The following NPAS2 variants were observed in gnomAD, a reference collection of about 807,000 sequenced individuals.
NPAS2 encodes neuronal PAS domain-containing protein 2.
A neutral mutation model predicts 107.5 loss-of-function variants in NPAS2; 23 were observed. The ratio of observed to expected loss-of-function variants is 0.21; its 90% CI spans 0.15 to 0.30. The LOEUF is 0.30. Among genes scored for constraint, NPAS2 ranks in the 10% least tolerant of loss-of-function variants. The probability of loss-of-function intolerance (pLI) is 1.00; values close to 1 mark genes in which losing one functional copy is unlikely to be tolerated. For synonymous variants in NPAS2, 403 were observed against 417.5 expected, an observed-to-expected ratio of 0.97 and a Z score of 0.42; for missense variants, 756 against 1,043.3, an observed-to-expected ratio of 0.72 and a Z score of 3.79.
In NPAS2 at chr2:100,908,868, C is replaced by T. The variant is rs143918164; in HGVS notation, c.32+4082C>T. 6.6e-5 allele frequency among the ~76,000 whole-genome samples: 10 copies of T among 152,230 alleles called. No homozygotes were observed. In the East Asian group the frequency reaches 1.5e-3, roughly 23 times the overall value. ...AGAATCAAAAGTGTCAGGTCAGATT[C>T]GCTGATTCTTGGGGCTCTTAATGGA... On this transcript the variant is annotated intron_variant, in intron 2 of 20. Coordinates refer to ENST00000335681, the MANE Select transcript of NPAS2 (RefSeq NM_002518.4).
chr2:100,911,238 T>C (rs1682528642), intron 2 of NPAS2, among the ~76,000 whole-genome samples: 1 of 152,162 alleles, frequency 6.6e-6, no homozygotes, highest in African/African-American at 2.4e-5. Flanking sequence ...AATAACCTCC[T>C]CTGGCCATGG....
At chr2:100,934,810 C>T in intron 4 of NPAS2, 1 of 985,446 alleles carries the variant, frequency 1.0e-6, no homozygotes, top group South Asian at 4.7e-5. Flanking sequence ...GTGCAACCTT[C>T]CCATAGCATG....
intron 15 of NPAS2, among the ~76,000 whole-genome samples, chr2:100,979,492 ATATATATATATTTTT>A (rs1558935221): frequency 1.6e-5 from 1 of 62,016 alleles, no homozygotes; most frequent in Non-Finnish European, 2.7e-5. Context: ...ATATATATAT[ATATATATATATTTTT>A]TTTTTTTTTT....
intron 7 of NPAS2, 103 bp downstream of exon 7, chr2:100,949,583 C>A: frequency 1.5e-6 from 1 of 684,410 alleles, no homozygotes; most frequent in South Asian, 1.7e-5. Context: ...AGAACGCGTG[C>A]TTTTCACATT....
intron 1 of NPAS2, among the ~76,000 whole-genome samples, chr2:100,862,819 C>T (rs1044814583): frequency 6.6e-6 from 1 of 152,170 alleles, no homozygotes; most frequent in African/African-American, 2.4e-5. Context: ...ACGGGAGTTG[C>T]TCTTGTACGC....
intron 1 of NPAS2, among the ~76,000 whole-genome samples, chr2:100,873,347 T>C (rs1230059411): frequency 2.3e-5 from 3 of 130,464 alleles, no homozygotes; most frequent in African/African-American, 8.3e-5. Context: ...CACACATATA[T>C]ACATACACAC....
intron 3 of NPAS2, among the ~76,000 whole-genome samples, chr2:100,928,710 A>G (rs1683742273): frequency 6.6e-6 from 1 of 152,232 alleles, no homozygotes; most frequent in Non-Finnish European, 1.5e-5. Flanking sequence ...TTGTTGGAGC[A>G]AAACTTGGAT....
intron 2 of NPAS2, among the ~76,000 whole-genome samples, chr2:100,923,533 C>T (rs1335907352): frequency 2.0e-5 from 3 of 152,182 alleles, no homozygotes; most frequent in Non-Finnish European, 2.9e-5. Flanking sequence ...TAGATACTTA[C>T]ACCTGCTCCA....
At position 100,990,828 on chromosome 2, in the gene NPAS2, C is replaced by T. The variant is rs146215582; in HGVS notation, c.2067C>T (p.Asp689=). 6.7e-5 allele frequency: 108 copies of T among 1,614,086 alleles called. No individual in the cohort carries two copies. Among genetic ancestry groups the T allele is most frequent in the Middle Eastern group, 1.6e-4 (1 of 6,084 alleles). ...AGCCCATGATGCCCGGGTCCTGTGACGCAAGGCAGCCCTCGGAAGTCAGCA... is the reference window on the plus strand; with the variant it reads ...AGCCCATGATGCCCGGGTCCTGTGATGCAAGGCAGCCCTCGGAAGTCAGCA... ...PIQPMMPGSC[D]ARQPSEVSRT... The change falls in exon 19 of 21, where the codon GAC becomes GAT. Residue 689 remains aspartate (D), a synonymous_variant. Coordinates refer to ENST00000335681, the MANE Select transcript of NPAS2 (RefSeq NM_002518.4).
chr2:100,918,762 G>A (rs1683040694), intron 2 of NPAS2, among the ~76,000 whole-genome samples: 1 of 152,158 alleles, frequency 6.6e-6, no homozygotes, highest in African/African-American at 2.4e-5. Context: ...TCCCTTTAAG[G>A]TTGTAGAACG....
intron 1 of NPAS2, among the ~76,000 whole-genome samples, chr2:100,887,416 C>T (rs1015746346): frequency 3.9e-5 from 6 of 152,226 alleles, no homozygotes; most frequent in African/African-American, 1.4e-4. Flanking sequence ...GACTCAAGTC[C>T]GTCCTCAGCT....
At chr2:100,881,932 A>G (rs1680375939) in intron 1 of NPAS2, among the ~76,000 whole-genome samples, 1 of 152,090 alleles carries the variant, frequency 6.6e-6, no homozygotes, top group African/African-American at 2.4e-5. Context: ...CACCTCCCTC[A>G]TGTGCTCGCA....
chr2:100,823,293 A>G (rs1291624547), intron 1 of NPAS2, among the ~76,000 whole-genome samples: 2 of 152,206 alleles, frequency 1.3e-5, no homozygotes, highest in Non-Finnish European at 2.9e-5. Flanking sequence ...TTTAAGGCAC[A>G]ACTGCTTCTC....
intron 4 of NPAS2, among the ~76,000 whole-genome samples, chr2:100,935,935 T>TCC (rs1684272835): frequency 1.3e-5 from 2 of 152,202 alleles, no homozygotes; most frequent in Non-Finnish European, 2.9e-5. Flanking sequence ...GTGGGGACTC[T>TCC]CCTGCATATT....
In NPAS2 at chr2:100,968,569, C is replaced by T. The variant is rs1441771107; in HGVS notation, c.1055+141C>T. 3 of 773,364 alleles carry T rather than the reference C, an allele frequency of 3.9e-6. No individual in the cohort carries two copies. Among genetic ancestry groups the T allele is most frequent in the Non-Finnish European group, 6.1e-6 (3 of 490,876 alleles). The allele number at this position is 773,364 out of a possible 1,614,324, so 47.9% of individuals were successfully genotyped here. A position where few individuals can be genotyped will look rare whatever the true frequency, so the allele number is the denominator to read the frequency against. ...TTCGAAGATGAAGCCCAGGCCATCC[C>T]CTGCCGTTAACAGCACAATTCCCAG... On this transcript the variant is annotated intron_variant, in intron 11 of 20. Transcript: ENST00000335681. The surrounding 1 kb of genome is among the most constrained non-coding windows in gnomAD (Gnocchi z 5.3).
At chr2:100,931,899 C>T (rs1462712647) in intron 3 of NPAS2, among the ~76,000 whole-genome samples, 1 of 152,060 alleles carries the variant, frequency 6.6e-6, no homozygotes, top group Non-Finnish European at 1.5e-5. Flanking sequence ...TTATCAAAAA[C>T]ACAGGCACAA....
intron 1 of NPAS2, among the ~76,000 whole-genome samples, chr2:100,899,031 C>T (rs1317485708): frequency 6.6e-6 from 1 of 151,934 alleles, no homozygotes; most frequent in Non-Finnish European, 1.5e-5. Context: ...CAGACAAACC[C>T]GAACTGAAGA....
In NPAS2 at chr2:100,855,299, A is replaced by G. The variant is rs1026192271; in HGVS notation, c.-23+34885A>G. The stretch of plus-strand genomic sequence containing the variant: ...TGAGTGTTGGGGGTTTCAGTGAGTC[A>G]TTGTTTGCCCTTCGTGATTCCTAGA... On this transcript the variant is annotated intron_variant, in intron 1 of 20. Transcript: ENST00000335681. 5.3e-5 allele frequency among the ~76,000 whole-genome samples: 8 copies of G among 152,240 alleles called. No homozygotes were observed. The South Asian group carries it at 1.7e-3, about 32-fold the overall frequency.
chr2:100,885,459 C>A lies in NPAS2; in HGVS notation c.-22-19274C>A, dbSNP rs185387270. 9.0e-3 allele frequency among the ~76,000 whole-genome samples: 1,374 copies of A among 152,126 alleles called. 15 individuals carry two copies. The highest frequency in any genetic ancestry group is 0.015 in the Non-Finnish European group (1,012 of 68,014). ...CATGCAAGAGTATATGTGTATGTGG[C>A]CTTGGAATGATTATTTAGTTTTGTT... is the stretch of plus-strand genomic sequence containing the variant. On this transcript the variant is annotated intron_variant, in intron 1 of 20. Coordinates refer to ENST00000335681, the MANE Select transcript of NPAS2 (RefSeq NM_002518.4).
Sources: allele counts gnomAD v4.1 joint callset (sites outside exome capture counted in the v4.1 genomes callset), GRCh38; gene constraint gnomAD v4.1.1; non-coding constraint Gnocchi (gnomAD v3.1); transcripts MANE v1.5; gene names NCBI Gene and HGNC (gene_info 2026-07-23, HGNC 2026-07-21).